CBL: variants seen among roughly 807,000 people sequenced by gnomAD.
The protein encoded by CBL is E3 ubiquitin-protein ligase CBL.
Under a neutral mutation model 96.9 loss-of-function variants are expected in CBL, and 45 were observed. The observed-to-expected ratio is 0.46, with a 90% CI of 0.37 to 0.60. The LOEUF (loss-of-function observed/expected upper bound fraction) is 0.60. Ranked by LOEUF, CBL falls within the 20% of genes least tolerant of loss-of-function variation. CBL has a pLI of 0.00. For missense variants in CBL, 1,024 were observed against 1,143.5 expected (o/e 0.90, Z 1.51); for synonymous variants, 420 against 426.8 (o/e 0.98, Z 0.20).
Position 119,283,625 on chromosome 11 carries a change from C to CTTTTTTTTTT in CBL, c.1432-1323_1432-1314dup, listed in dbSNP as rs398017760. ...AAATATTAATCCTTTTTAATTCTTT[C>CTTTTTTTTTT]TTTTTTTTTTTTTTTTTTTTTTTTT... On this transcript the variant is annotated intron_variant, in intron 9 of 15. Coordinates refer to ENST00000264033, the MANE Select transcript of CBL (RefSeq NM_005188.4). 1.0e-3 allele frequency among the ~76,000 whole-genome samples: 46 copies of CTTTTTTTTTT among 45,528 alleles called. 6 individuals carry two copies. Among genetic ancestry groups the CTTTTTTTTTT allele is most frequent in the East Asian group, 2.7e-3 (4 of 1,472 alleles). The allele number at this position is 45,528 out of a possible 152,430, so 29.9% of individuals were successfully genotyped here.
intron 12 of CBL, 122 bp from the exon 13 acceptor site, chr11:119,296,796 T>G (rs74660179): frequency 7.3e-6 from 5 of 688,536 alleles, no homozygotes; most frequent in Admixed American, 2.1e-5. Flanking sequence ...AATAGTTCCC[T>G]AGGTGACATG....
At chr11:119,210,154 A>T (rs1949305048) in intron 1 of CBL, among the ~76,000 whole-genome samples, 1 of 152,184 alleles carries the variant, frequency 6.6e-6, no homozygotes, top group South Asian at 2.1e-4. Context: ...AGGTAGGCAG[A>T]TCATTTGATC....
At chr11:119,206,687 C>T (rs916775212) in intron 1 of CBL, 75 bp downstream of exon 1, 14 of 1,099,174 alleles carry the variant, frequency 1.3e-5, no homozygotes, top group South Asian at 6.2e-5. Flanking sequence ...AACGAGCGGA[C>T]GGAGGAAGCG....
At chr11:119,273,122 C>T (rs1949861207) in intron 3 of CBL, among the ~76,000 whole-genome samples, 1 of 152,088 alleles carries the variant, frequency 6.6e-6, no homozygotes, top group Non-Finnish European at 1.5e-5. Flanking sequence ...GTGTGTGCTG[C>T]CAGGCCCAGC....
At chr11:119,293,998 T>C (rs796714085) in intron 12 of CBL, among the ~76,000 whole-genome samples, 3 of 152,252 alleles carry the variant, frequency 2.0e-5, no homozygotes, top group South Asian at 2.1e-4. Context: ...CTTTCTTGAA[T>C]CTTAGCCTGT....
intron 2 of CBL, among the ~76,000 whole-genome samples, chr11:119,264,442 T>TC (rs5795173): frequency 0.2 from 8,705 of 43,216 alleles, 793 homozygotes; most frequent in African/African-American, 0.35. Flanking sequence ...TCTTCTCTTC[T>TC]TTCTCTTCTC....
In CBL at chr11:119,299,542, C is replaced by T. The variant is rs371026706; in HGVS notation, c.2482C>T (p.Pro828Ser). The change falls in exon 16 of 16, where the codon CCG (proline) becomes TCG (serine). Residue 828 changes from proline (P) to serine (S), a missense_variant. By Grantham distance (74) the Pro-to-Ser change is moderately conservative (BLOSUM62 -1). Transcript: ENST00000264033. ...QVPERPPKPF[P>S]RRINSERKAG... ...TCCCGAGAGGCCTCCAAAACCATTC[C>T]CGCGGAGAATCAACTCTGAACGGAA... is the stretch of plus-strand genomic sequence containing the variant. 7 of 1,614,024 alleles carry T rather than the reference C, an allele frequency of 4.3e-6. No homozygotes were observed. In the African/African-American group the frequency reaches 9.3e-5, roughly 22 times the overall value.
intron 1 of CBL, among the ~76,000 whole-genome samples, chr11:119,229,196 G>C (rs4938642): frequency 0.065 from 9,936 of 152,226 alleles, 623 homozygotes; most frequent in South Asian, 0.32. Context: ...AATGTAGTCT[G>C]TTTATAAATA....
intron 1 of CBL, among the ~76,000 whole-genome samples, chr11:119,227,843 C>T (rs1348565668): frequency 6.6e-6 from 1 of 152,204 alleles, no homozygotes; most frequent in Admixed American, 6.6e-5. Flanking sequence ...AGCCACCGCG[C>T]CCCGCAAACC....
intron 2 of CBL, among the ~76,000 whole-genome samples, chr11:119,254,491 C>T (rs2135282840): frequency 6.6e-6 from 1 of 152,224 alleles, no homozygotes; most frequent in Non-Finnish European, 1.5e-5. Context: ...CCAACCTGTA[C>T]AGCATGTTAC....
intron 2 of CBL, among the ~76,000 whole-genome samples, chr11:119,270,858 G>A (rs945419120): frequency 1.2e-4 from 19 of 152,178 alleles, no homozygotes; most frequent in Non-Finnish European, 2.2e-4. Context: ...GGGATTACAG[G>A]CGTGAGGCAC....
intron 2 of CBL, among the ~76,000 whole-genome samples, chr11:119,242,200 T>A: frequency 6.6e-6 from 1 of 152,084 alleles, no homozygotes; most frequent in East Asian, 1.9e-4. Flanking sequence ...ATTCCTGTAA[T>A]CCCAGTGATT....
intron 12 of CBL, among the ~76,000 whole-genome samples, chr11:119,296,397 G>T (rs969267853): frequency 2.0e-5 from 3 of 152,174 alleles, no homozygotes; most frequent in Non-Finnish European, 2.9e-5. Context: ...GATCCTTGAT[G>T]TGGGAGTCAG....
At chr11:119,262,204 A>G (rs1949760048) in intron 2 of CBL, among the ~76,000 whole-genome samples, 1 of 152,242 alleles carries the variant, frequency 6.6e-6, no homozygotes, top group Non-Finnish European at 1.5e-5. Flanking sequence ...ACTGAGAGAC[A>G]TCCTTTAAAA....
chr11:119,245,642 T>C (rs745626353), intron 2 of CBL, among the ~76,000 whole-genome samples: 1 of 151,994 alleles, frequency 6.6e-6, no homozygotes, highest in Non-Finnish European at 1.5e-5. Context: ...GGCAGGAGAA[T>C]CACTTGAACC....
intron 1 of CBL, among the ~76,000 whole-genome samples, chr11:119,224,934 A>G (rs1488129462): frequency 6.6e-6 from 1 of 152,000 alleles, no homozygotes; most frequent in African/African-American, 2.4e-5. Flanking sequence ...TTTATTGAAA[A>G]AGAACTTCGT....
At chr11:119,288,988 G>T (rs1455716125) in intron 12 of CBL, among the ~76,000 whole-genome samples, 1 of 152,026 alleles carries the variant, frequency 6.6e-6, no homozygotes, top group East Asian at 1.9e-4. Flanking sequence ...TTTAATTTAT[G>T]AGTTACTCAT....
At chr11:119,261,188 A>G (rs929621350) in intron 2 of CBL, among the ~76,000 whole-genome samples, 1 of 152,006 alleles carries the variant, frequency 6.6e-6, no homozygotes, top group African/African-American at 2.4e-5. Context: ...TGCTAGGATT[A>G]CAGGCGTGAG....
chr11:119,291,759 C>T (rs971570201), intron 12 of CBL, among the ~76,000 whole-genome samples: 1 of 152,226 alleles, frequency 6.6e-6, no homozygotes, highest in South Asian at 2.1e-4. Flanking sequence ...ATTTTCCTAG[C>T]TGCCTACAAA....
Sources: gnomAD v4.1 joint callset for allele counts (sites outside exome capture counted in the v4.1 genomes callset) on GRCh38, gnomAD v4.1.1 for gene constraint, MANE v1.5 for transcripts, NCBI Gene and HGNC (gene_info 2026-07-23, HGNC 2026-07-21) for gene names.